The following ZNF804B variants were observed in gnomAD, a reference collection of about 807,000 sequenced individuals.
ZNF804B encodes zinc finger protein 804B, also known as zinc finger 804B.
ZNF804B carries 80 observed loss-of-function variants against 101.4 expected under a neutral mutation model. The ratio of observed to expected loss-of-function variants is 0.79; its 90% CI spans 0.66 to 0.95. The LOEUF is 0.95. Ranked by LOEUF, ZNF804B falls within the 40% of genes least tolerant of loss-of-function variation. The pLI, the probability that ZNF804B is intolerant of heterozygous loss-of-function variation, is 0.00. For missense variants in ZNF804B, 1,673 were observed against 1,561.9 expected (o/e 1.07, Z -1.20); for synonymous variants, 622 against 558.8 (o/e 1.11, Z -1.59).
chr7:88,998,262 AC>A (rs1788228460), intron 1 of ZNF804B, among the ~76,000 whole-genome samples: 1 of 152,008 alleles, frequency 6.6e-6, no homozygotes, highest in Non-Finnish European at 1.5e-5. Context: ...CTTCTTAACC[AC>A]AACGCTCATC....
At position 88,950,344 on chromosome 7, in the gene ZNF804B, G is replaced by A. The variant is rs150550228; in HGVS notation, c.108+190260G>A. On this transcript the variant is annotated intron_variant, in intron 1 of 3. Transcript: ENST00000333190. ...CTGCCATTAAGTAGTTTTCAGTAAG[G>A]CATTTCAAAAAATAGATGATTCAAT... Among the ~76,000 whole-genome samples, 162 of 151,846 alleles carry A rather than the reference G, an allele frequency of 1.1e-3. 1 individual carries two copies. The highest frequency in any genetic ancestry group is 3.7e-3 in the African/African-American group (153 of 41,490).
intron 2 of ZNF804B, among the ~76,000 whole-genome samples, chr7:89,297,415 G>T (rs1790400733): frequency 6.6e-6 from 1 of 152,044 alleles, no homozygotes; most frequent in African/African-American, 2.4e-5. Flanking sequence ...CTCCAAAAAT[G>T]AAGCATTCAT....
intron 1 of ZNF804B, among the ~76,000 whole-genome samples, chr7:89,163,027 A>T (rs1049225429): frequency 9.9e-5 from 15 of 152,004 alleles, no homozygotes; most frequent in South Asian, 4.2e-4. Flanking sequence ...GGCTGCATAG[A>T]ATTCCATGGT....
At chr7:88,848,784 G>A (rs554533713) in intron 1 of ZNF804B, among the ~76,000 whole-genome samples, 15 of 152,110 alleles carry the variant, frequency 9.9e-5, no homozygotes, top group Admixed American at 9.8e-4. Flanking sequence ...CACAAATAGA[G>A]GAACTAGTAT....
intron 1 of ZNF804B, among the ~76,000 whole-genome samples, chr7:88,839,734 G>A (rs1408394253): frequency 3.5e-5 from 5 of 144,048 alleles, no homozygotes; most frequent in Admixed American, 2.0e-4. Flanking sequence ...CAGTTTAACC[G>A]AGAGCAGGTT....
chr7:88,983,407 G>A (rs1793718697), intron 1 of ZNF804B, among the ~76,000 whole-genome samples: 1 of 152,026 alleles, frequency 6.6e-6, no homozygotes, highest in African/African-American at 2.4e-5. Flanking sequence ...CATCTAGGAT[G>A]GACCCTGATA....
chr7:88,929,545 G>A (rs997233254), intron 1 of ZNF804B, among the ~76,000 whole-genome samples: 2 of 151,840 alleles, frequency 1.3e-5, no homozygotes, highest in Non-Finnish European at 2.9e-5. Flanking sequence ...GTCACGTCTT[G>A]TACAGTTTGT....
chr7:88,948,306 A>ATTTTTTT (rs68069374), intron 1 of ZNF804B, among the ~76,000 whole-genome samples: 5 of 92,718 alleles, frequency 5.4e-5, no homozygotes, highest in Non-Finnish European at 6.1e-5. Context: ...CCACCCATCC[A>ATTTTTTT]TTTTTTTTTT....
At position 89,280,940 on chromosome 7, in the gene ZNF804B, G is replaced by A. The variant is rs1562935878; in HGVS notation, c.250-46404G>A. On this transcript the variant is annotated intron_variant, in intron 2 of 3. Transcript: ENST00000333190. ...TTTTTCAAGATGTTTATATTTTAAT[G>A]TCTGTAACATTAAGTCTAATCTTTG... 3.3e-5 allele frequency among the ~76,000 whole-genome samples: 5 copies of A among 152,170 alleles called. No individual in the cohort carries two copies. In the South Asian group the frequency reaches 1.0e-3, roughly 32 times the overall value.
At chr7:89,197,944 A>G (rs952267400) in intron 1 of ZNF804B, among the ~76,000 whole-genome samples, 11 of 151,864 alleles carry the variant, frequency 7.2e-5, no homozygotes, top group Non-Finnish European at 1.6e-4. Flanking sequence ...TATTTAAATA[A>G]TGACACCTTA....
At chr7:89,026,446 G>T (rs1256829894) in intron 1 of ZNF804B, among the ~76,000 whole-genome samples, 2 of 152,070 alleles carry the variant, frequency 1.3e-5, no homozygotes, top group Non-Finnish European at 2.9e-5. Context: ...GATTACATTT[G>T]TATTTTTATA....
At chr7:89,020,840 C>A (rs1788655155) in intron 1 of ZNF804B, among the ~76,000 whole-genome samples, 1 of 152,066 alleles carries the variant, frequency 6.6e-6, no homozygotes, top group South Asian at 2.1e-4. Flanking sequence ...TATTTCTTGG[C>A]TTAATTTCTC....
intron 1 of ZNF804B, among the ~76,000 whole-genome samples, chr7:89,075,836 G>A (rs982341626): frequency 1.3e-5 from 2 of 152,194 alleles, no homozygotes; most frequent in Non-Finnish European, 2.9e-5. Context: ...AAAGGTGCCC[G>A]AGACCATGGG....
In ZNF804B at chr7:88,973,348, T is replaced by C. The variant is rs569953680; in HGVS notation, c.108+213264T>C. Among the ~76,000 whole-genome samples, 19 of 151,370 alleles carry C rather than the reference T, an allele frequency of 1.3e-4. No individual in the cohort carries two copies. In the South Asian group the frequency reaches 3.5e-3, roughly 28 times the overall value. ...TCAGAGCTTGTAAGATATAGAATAA[T>C]AGGTACCAAAAGCCACAAGAAGAAT... On this transcript the variant is annotated intron_variant, in intron 1 of 3. Transcript: ENST00000333190.
intron 1 of ZNF804B, among the ~76,000 whole-genome samples, chr7:89,104,784 A>T (rs1403897363): frequency 1.3e-5 from 2 of 151,958 alleles, no homozygotes; most frequent in African/African-American, 4.8e-5. Flanking sequence ...TGTTTTTATT[A>T]ATATTTGTAA....
At chr7:89,284,797 G>A (rs569555442) in intron 2 of ZNF804B, among the ~76,000 whole-genome samples, 51 of 152,062 alleles carry the variant, frequency 3.4e-4, no homozygotes, top group African/African-American at 1.2e-3. Flanking sequence ...AACAAAGGAT[G>A]GTGTGATAAT....
chr7:88,971,918 T>A (rs1025488700), intron 1 of ZNF804B, among the ~76,000 whole-genome samples: 1 of 151,542 alleles, frequency 6.6e-6, no homozygotes, highest in Non-Finnish European at 1.5e-5. Context: ...ATTTACTGTT[T>A]CATTTGGTTT....
intron 2 of ZNF804B, among the ~76,000 whole-genome samples, chr7:89,294,124 A>G (rs1029242791): frequency 6.6e-6 from 1 of 151,678 alleles, no homozygotes; most frequent in Non-Finnish European, 1.5e-5. Flanking sequence ...TGACACTGCA[A>G]CTCTTTGATG....
At chr7:89,082,291 G>T (rs192609601) in intron 1 of ZNF804B, among the ~76,000 whole-genome samples, 10 of 151,536 alleles carry the variant, frequency 6.6e-5, no homozygotes, top group East Asian at 3.9e-4. Context: ...ATTTTTATCC[G>T]CATATATTTA....
Sources: gnomAD v4.1 joint callset for allele counts (sites outside exome capture counted in the v4.1 genomes callset) on GRCh38, gnomAD v4.1.1 for gene constraint, MANE v1.5 for transcripts, NCBI Gene and HGNC (gene_info 2026-07-23, HGNC 2026-07-21) for gene names.